C10orf53: variants seen among roughly 807,000 people sequenced by gnomAD.
C10orf53 encodes chromosome 10 open reading frame 53, also known as UPF0728 protein C10orf53.
A neutral mutation model predicts 9.4 loss-of-function variants in C10orf53; 8 were observed. That is an observed-to-expected ratio of 0.85 (90% CI 0.50 to 1.53). The LOEUF (loss-of-function observed/expected upper bound fraction) is 1.53. Ranked by LOEUF, C10orf53 falls within the 40% of genes most tolerant of loss-of-function variation. The pLI is 0.00. For synonymous variants in C10orf53, 48 were observed against 46.0 expected (o/e 1.04, Z -0.18); for missense variants, 117 against 117.8 (o/e 0.99, Z 0.03).
intron 1 of C10orf53, among the ~76,000 whole-genome samples, chr10:49,689,673 C>T (rs893414809): frequency 3.8e-4 from 58 of 152,080 alleles, no homozygotes; most frequent in Non-Finnish European, 8.8e-5. Context: ...TCCTACACAG[C>T]GCTGAAGAAG....
downstream of C10orf53, among the ~76,000 whole-genome samples, chr10:49,699,576 C>T (rs564182581): frequency 6.6e-6 from 1 of 152,176 alleles, no homozygotes; most frequent in South Asian, 2.1e-4. Context: ...GTGATGATCA[C>T]CTGCTTCTGA....
intron 2 of C10orf53, 32 bp downstream of exon 2, chr10:49,693,925 A>G (rs887371510): frequency 1.4e-5 from 22 of 1,614,002 alleles, no homozygotes; most frequent in Non-Finnish European, 1.5e-5. Context: ...CCAGCCAGCA[A>G]TTTGCCTCCT....
intron 2 of C10orf53, 96 bp downstream of exon 2, chr10:49,693,989 C>A: frequency 6.4e-7 from 1 of 1,551,792 alleles, no homozygotes; most frequent in Non-Finnish European, 8.8e-7. Flanking sequence ...TGCCTGGATT[C>A]AAATTGGGTT....
intron 1 of C10orf53, among the ~76,000 whole-genome samples, chr10:49,686,889 A>T (rs1029373795): frequency 6.6e-6 from 1 of 151,770 alleles, no homozygotes; most frequent in African/African-American, 2.4e-5. Flanking sequence ...CTTGTGACCT[A>T]CTCCCTGTTG....
chr10:49,704,119 A>C (rs1245967660), intron 2 of C10orf53, among the ~76,000 whole-genome samples: 1 of 152,236 alleles, frequency 6.6e-6, no homozygotes, highest in Non-Finnish European at 1.5e-5. Flanking sequence ...ACTTGGAAGA[A>C]AGAAGGCCTT....
exon 3 of C10orf53, chr10:49,708,787 C>A: frequency 1.1e-6 from 1 of 893,876 alleles, no homozygotes; most frequent in Non-Finnish European, 1.7e-6. Flanking sequence ...GCAAACCCAA[C>A]GTGATTCTCC....
rs1306861311 is a variant in C10orf53, at chr10:49,694,768, C to T, written c.*166C>T. ...GCTTACGCAGCCTCAGGATTGTCAC[C>T]TGGCTGCACAGGAGCCCACAGAAAT... On this transcript the variant is annotated 3_prime_UTR_variant, in exon 3 of 3. Transcript: ENST00000374111. 1.4e-6 allele frequency: 2 copies of T among 1,425,008 alleles called. No homozygotes were observed. The highest frequency in any genetic ancestry group is 1.8e-6 in the Non-Finnish European group (2 of 1,092,262). The allele number at this position is 1,425,008 out of a possible 1,614,324, so 88.3% of individuals were successfully genotyped here.
chr10:49,681,879 T>C (rs1054616698), intron 1 of C10orf53, among the ~76,000 whole-genome samples: 3 of 152,040 alleles, frequency 2.0e-5, no homozygotes, highest in African/African-American at 7.2e-5. Flanking sequence ...ACATTGGGAG[T>C]TAGGGCTTCC....
downstream of C10orf53, among the ~76,000 whole-genome samples, chr10:49,699,897 C>G (rs553990626): frequency 9.9e-5 from 15 of 151,990 alleles, no homozygotes; most frequent in Non-Finnish European, 2.1e-4. Context: ...GAGCTCATCC[C>G]CCCCGAGATC....
chr10:49,680,362 G>A (rs1840467743), intron 1 of C10orf53, among the ~76,000 whole-genome samples: 1 of 152,196 alleles, frequency 6.6e-6, no homozygotes, highest in African/African-American at 2.4e-5. Context: ...TAATGGGAGG[G>A]GAGAGGGAGA....
At chr10:49,707,358 A>G (rs902613545) in intron 2 of C10orf53, among the ~76,000 whole-genome samples, 7 of 152,166 alleles carry the variant, frequency 4.6e-5, no homozygotes, top group Non-Finnish European at 1.0e-4. Flanking sequence ...ATCCCTTCCC[A>G]TCACTGGAAT....
chr10:49,704,007 G>A (rs182236151), intron 2 of C10orf53, among the ~76,000 whole-genome samples: 3 of 152,294 alleles, frequency 2.0e-5, no homozygotes, highest in East Asian at 3.9e-4. Flanking sequence ...ACCATCTGGA[G>A]GAGCAACGCC....
chr10:49,693,642 A>G (rs1840605132), intron 1 of C10orf53, 132 bp from the exon 2 acceptor site: 2 of 1,144,012 alleles, frequency 1.7e-6, no homozygotes, highest in Non-Finnish European at 1.3e-6. Flanking sequence ...GAAAGTGCCT[A>G]CCAGGGCAGT....
At chr10:49,707,567 C>A (rs1405124132) in intron 2 of C10orf53, among the ~76,000 whole-genome samples, 3 of 152,174 alleles carry the variant, frequency 2.0e-5, no homozygotes, top group Non-Finnish European at 4.4e-5. Flanking sequence ...TGATCGAGCT[C>A]CAAGACTTGA....
rs1041220252 is a variant in C10orf53 at position 49,697,336 on chromosome 10, C to T, written c.*2734C>T. The stretch of plus-strand genomic sequence containing the variant: ...CTCCTTTGCCTCCCTCTCTCGAGCA[C>T]GCACCTCCCTGCCCAGAAGCAAGAG... On this transcript the variant is annotated 3_prime_UTR_variant, in exon 3 of 3. Transcript: ENST00000374111. 3.1e-4 allele frequency among the ~76,000 whole-genome samples: 47 copies of T among 152,308 alleles called. No homozygotes were observed. The highest frequency in any genetic ancestry group is 9.4e-4 in the African/African-American group (39 of 41,562).
intron 2 of C10orf53, among the ~76,000 whole-genome samples, chr10:49,705,479 G>A (rs949512550): frequency 6.6e-6 from 1 of 152,156 alleles, no homozygotes; most frequent in Non-Finnish European, 1.5e-5. Flanking sequence ...GGAATTGACT[G>A]GAAGACTGTT....
chr10:49,708,329 G>A (rs371909116), intron 2 of C10orf53: 13 of 1,606,752 alleles, frequency 8.1e-6, no homozygotes, highest in Middle Eastern at 1.8e-4. Flanking sequence ...ATCTCTTGAT[G>A]CTGCTTTCTT....
intron 1 of C10orf53, among the ~76,000 whole-genome samples, chr10:49,680,932 A>G (rs939294694): frequency 6.6e-6 from 1 of 152,234 alleles, no homozygotes; most frequent in African/African-American, 2.4e-5. Flanking sequence ...TTCCAAAGGA[A>G]CAGTCTATTT....
At chr10:49,707,127 C>A (rs151327037) in intron 2 of C10orf53, among the ~76,000 whole-genome samples, 1 of 147,402 alleles carries the variant, frequency 6.8e-6, no homozygotes, top group African/African-American at 2.5e-5. Context: ...GCCTTGGTCA[C>A]CTGCCTCACA....
Sources: allele counts gnomAD v4.1 joint callset (sites outside exome capture counted in the v4.1 genomes callset), GRCh38; gene constraint gnomAD v4.1.1; transcripts MANE v1.5; gene names NCBI Gene and HGNC (gene_info 2026-07-23, HGNC 2026-07-21).